RFX7: variants seen among roughly 807,000 people sequenced by gnomAD.
RFX7 encodes regulatory factor X7, also known as DNA-binding protein RFX7.
Under a neutral mutation model 111.8 loss-of-function variants are expected in RFX7, and 26 were observed. That is an observed-to-expected ratio of 0.23 (90% CI 0.17 to 0.32). The LOEUF is 0.32. RFX7 is among the 10% of genes least tolerant of loss of function. RFX7 has a pLI of 1.00. For missense variants in RFX7, 1,573 were observed against 1,772.9 expected (o/e 0.89, Z 2.02); for synonymous variants, 624 against 624.4 (o/e 1.00, Z 0.01).
chr15:56,183,920 A>C (rs1483251263), intron 2 of RFX7, among the ~76,000 whole-genome samples: 1 of 152,004 alleles, frequency 6.6e-6, no homozygotes, highest in Non-Finnish European at 1.5e-5. Flanking sequence ...GGTATTGTGA[A>C]TTTTATCTGT....
intron 5 of RFX7, among the ~76,000 whole-genome samples, chr15:56,136,132 G>C (rs2042299101): frequency 6.6e-6 from 1 of 152,022 alleles, no homozygotes; most frequent in Non-Finnish European, 1.5e-5. Flanking sequence ...CTTTAAAGTA[G>C]TTTTTTACAA....
At chr15:56,225,741 G>A (rs557926489) in intron 2 of RFX7, among the ~76,000 whole-genome samples, 12 of 152,086 alleles carry the variant, frequency 7.9e-5, no homozygotes, top group South Asian at 2.1e-4. Flanking sequence ...TAGCATAACC[G>A]TTTCCTTCTA....
chr15:56,243,242 G>A lies in RFX7; in HGVS notation c.44C>T (p.Ala15Val). The change falls in exon 2 of 10, where the codon GCC (alanine) becomes GTC (valine). Residue 15 changes from alanine (A) to valine (V), a missense_variant. Physicochemically the swap from Ala to Val is moderately conservative, Grantham distance 64. Transcript: ENST00000559447. ...GGCGCTGGGGGGAAGCTGCTGATGG[G>A]CATCAGGCTGCTGTGGTGGCGGCTG... ...QQQPPPQQPD[A>V]HQQLPPSAPN... 7.7e-7 allele frequency: 1 copy of A among 1,306,770 alleles called. No homozygotes were observed. The highest frequency in any genetic ancestry group is 1.0e-6 in the Non-Finnish European group (1 of 993,080). 80.9% of individuals were successfully genotyped at this position (1,306,770 alleles called of 1,614,324 possible). A position where few individuals can be genotyped will look rare whatever the true frequency, so the allele number is the denominator to read the frequency against.
intron 4 of RFX7, among the ~76,000 whole-genome samples, 168 bp from the exon 5 acceptor site, chr15:56,143,068 T>G (rs1162480607): frequency 1.3e-5 from 2 of 152,146 alleles, no homozygotes; most frequent in Non-Finnish European, 2.9e-5. Context: ...GTGAGCTGTT[T>G]GCTATAGCTA....
chr15:56,221,666 T>C lies in RFX7; in HGVS notation c.161+21459A>G, dbSNP rs1272408495. Among the ~76,000 whole-genome samples, 11 of 152,202 alleles carry C rather than the reference T, an allele frequency of 7.2e-5. No individual in the cohort carries two copies. In the East Asian group the frequency reaches 9.6e-4, roughly 13 times the overall value. ...TCATCTGATATTTTTTAGTATTCCA[T>C]TTTATCACCTCTATTGGCTTTTTAC... On this transcript the variant is annotated intron_variant, in intron 2 of 9. Transcript: ENST00000559447.
chr15:56,164,647 G>A (rs1315071029), intron 3 of RFX7, among the ~76,000 whole-genome samples: 2 of 152,116 alleles, frequency 1.3e-5, no homozygotes, highest in African/African-American at 4.8e-5. Context: ...GCCTTCCTTT[G>A]CCTGATTTTA....
In RFX7 at chr15:56,096,357, G is replaced by A. The variant is rs1387526684; in HGVS notation, c.1371C>T (p.Ile457=). 5 of 1,613,972 alleles carry A rather than the reference G, an allele frequency of 3.1e-6. No individual in the cohort carries two copies. The highest frequency in any genetic ancestry group is 1.7e-5 in the Admixed American group (1 of 60,018). Residue 457 remains isoleucine (I), a synonymous_variant, in exon 10 of 10, where the codon ATC becomes ATT. Transcript: ENST00000559447. ...GTGAAGCGGGTACAACAGCAGTTTTGATGGGACTACTAGTAAAGAGGACAG... is the reference window on the plus strand; with the variant it reads ...GTGAAGCGGGTACAACAGCAGTTTTAATGGGACTACTAGTAAAGAGGACAG... The part of the protein sequence containing the change: ...PTTVLFTSSP[I]KTAVVPASHM...
At chr15:56,236,339 T>TA (rs2043623369) in intron 2 of RFX7, among the ~76,000 whole-genome samples, 1 of 152,184 alleles carries the variant, frequency 6.6e-6, no homozygotes, top group Admixed American at 6.5e-5. Context: ...ATTAAGGCCT[T>TA]AGTGTTTATT....
intron 5 of RFX7, among the ~76,000 whole-genome samples, chr15:56,133,176 T>C (rs2042241580): frequency 6.6e-6 from 1 of 152,092 alleles, no homozygotes; most frequent in African/African-American, 2.4e-5. Flanking sequence ...CCTGAAGACA[T>C]GAATATTAGA....
At chr15:56,232,588 G>T (rs1344617325) in intron 2 of RFX7, among the ~76,000 whole-genome samples, 1 of 148,036 alleles carries the variant, frequency 6.8e-6, no homozygotes, top group Admixed American at 6.7e-5. Flanking sequence ...TCAGAAAAGG[G>T]GTTTTTCTTT....
intron 2 of RFX7, among the ~76,000 whole-genome samples, chr15:56,216,887 C>T (rs1194704892): frequency 6.7e-6 from 1 of 150,172 alleles, no homozygotes; most frequent in Non-Finnish European, 1.5e-5. Flanking sequence ...AAATTCCTGG[C>T]TCAAGTGATC....
In RFX7 at chr15:56,155,867, T is replaced by A. The variant is rs1595973623; in HGVS notation, c.196-11384A>T. Reference sequence around the variant, plus strand: ...TATTTAACTTATTTTGAATTTCAAATGATATTAACCAAGAATATAATTACA... The same window carrying A: ...TATTTAACTTATTTTGAATTTCAAAAGATATTAACCAAGAATATAATTACA... On this transcript the variant is annotated intron_variant, in intron 3 of 9. Coordinates refer to ENST00000559447, the MANE Select transcript of RFX7 (RefSeq NM_022841.7). 2.6e-5 allele frequency among the ~76,000 whole-genome samples: 4 copies of A among 152,238 alleles called. No homozygotes were observed. In the South Asian group the frequency reaches 8.3e-4, roughly 32 times the overall value.
intron 2 of RFX7, among the ~76,000 whole-genome samples, chr15:56,239,679 T>A (rs2043665151): frequency 6.6e-6 from 1 of 152,144 alleles, no homozygotes; most frequent in Non-Finnish European, 1.5e-5. Flanking sequence ...TTCTGGAGCA[T>A]CTTGAATTCT....
chr15:56,102,474 TAAATG>T (rs1439709054), intron 6 of RFX7, among the ~76,000 whole-genome samples: 2 of 152,208 alleles, frequency 1.3e-5, no homozygotes, highest in Non-Finnish European at 2.9e-5. Flanking sequence ...ACTACTGTCT[TAAATG>T]AAAAGATTCT....
rs118123105 is a variant in RFX7, at chr15:56,119,304, G to A, written c.402-15634C>T. Among the ~76,000 whole-genome samples the A allele has an allele frequency of 2.3e-3, 357 of 152,236 alleles. 5 individuals are homozygous for A. The East Asian group carries it at 0.046, about 20-fold the overall frequency. ...GTTTCCCTAGTGTTCTCTTATAGTA[G>A]TTTCATAGTTTGAGGTCTTAGATTT... On this transcript the variant is annotated intron_variant, in intron 5 of 9. Transcript: ENST00000559447.
chr15:56,244,824 C>G (rs534419536), upstream of RFX7, among the ~76,000 whole-genome samples: 47 of 151,946 alleles, frequency 3.1e-4, no homozygotes, highest in African/African-American at 8.9e-4. Flanking sequence ...ACCATTCCCC[C>G]CCTTCCCATT....
intron 3 of RFX7, among the ~76,000 whole-genome samples, chr15:56,158,112 G>A (rs1224589110): frequency 3.3e-5 from 5 of 152,100 alleles, no homozygotes; most frequent in African/African-American, 1.2e-4. Context: ...ATAAGGATAT[G>A]ACATATATAT....
intron 2 of RFX7, among the ~76,000 whole-genome samples, chr15:56,186,919 T>C (rs892169153): frequency 6.6e-6 from 1 of 152,206 alleles, no homozygotes; most frequent in Non-Finnish European, 1.5e-5. Context: ...CATGTTCTAC[T>C]AAGAGTCTTC....
intron 2 of RFX7, among the ~76,000 whole-genome samples, chr15:56,232,232 T>G: frequency 6.6e-6 from 1 of 152,212 alleles, no homozygotes; most frequent in East Asian, 1.9e-4. Flanking sequence ...CATTCCACAC[T>G]GCCCTAGCAG....
Sources: allele counts gnomAD v4.1 joint callset (sites outside exome capture counted in the v4.1 genomes callset), GRCh38; gene constraint gnomAD v4.1.1; transcripts MANE v1.5; gene names NCBI Gene and HGNC (gene_info 2026-07-23, HGNC 2026-07-21).